NTN4: variants seen among roughly 807,000 people sequenced by gnomAD.
The protein encoded by NTN4 is netrin-4.
NTN4 carries 32 observed loss-of-function variants against 73.6 expected under a neutral mutation model. The observed-to-expected ratio is 0.44, with a 90% CI of 0.33 to 0.58. NTN4 has a LOEUF of 0.58. Among genes scored for constraint, NTN4 ranks in the 20% least tolerant of loss-of-function variants. The pLI, the probability that NTN4 is intolerant of heterozygous loss-of-function variation, is 0.04. For synonymous variants in NTN4, 258 were observed against 287.5 expected (o/e 0.90, Z 1.04); for missense variants, 654 against 798.3 (o/e 0.82, Z 2.18).
chr12:95,700,116 A>G (rs1218685145), intron 5 of NTN4, among the ~76,000 whole-genome samples: 2 of 22,074 alleles, frequency 9.1e-5, no homozygotes, highest in Non-Finnish European at 1.9e-4. Flanking sequence ...TTTTTTTTTT[A>G]CTTAGGGTCT....
intron 5 of NTN4, among the ~76,000 whole-genome samples, chr12:95,694,781 C>G (rs1381372117): frequency 6.6e-6 from 1 of 152,108 alleles, no homozygotes; most frequent in Non-Finnish European, 1.5e-5. Context: ...ATGTTATATA[C>G]ATTACGTTCA....
chr12:95,755,306 G>A (rs139767421), intron 2 of NTN4, among the ~76,000 whole-genome samples: 2 of 152,286 alleles, frequency 1.3e-5, no homozygotes, highest in African/African-American at 4.8e-5. Flanking sequence ...GTTCTGAAAC[G>A]GGCTTTCTGC....
chr12:95,727,320 T>C (rs2078702497), intron 3 of NTN4, among the ~76,000 whole-genome samples: 1 of 152,226 alleles, frequency 6.6e-6, no homozygotes, highest in Non-Finnish European at 1.5e-5. Flanking sequence ...TTATACATTC[T>C]GGATACCAGA....
chr12:95,763,002 A>G (rs1309485943), intron 2 of NTN4, among the ~76,000 whole-genome samples: 1 of 152,152 alleles, frequency 6.6e-6, no homozygotes, highest in Non-Finnish European at 1.5e-5. Flanking sequence ...TTTGTTTTTA[A>G]ATAATGACAA....
chr12:95,694,336 C>CG (rs751114360), intron 5 of NTN4, among the ~76,000 whole-genome samples: 1 of 151,666 alleles, frequency 6.6e-6, no homozygotes, highest in Non-Finnish European at 1.5e-5. Context: ...ACTCCCTCCG[C>CG]GCGGCCACTC....
chr12:95,754,528 C>G (rs7139150), intron 2 of NTN4, among the ~76,000 whole-genome samples: 103,401 of 151,750 alleles, frequency 0.68, 35,444 homozygotes, highest in South Asian at 0.8. Context: ...CAGATGGCCT[C>G]AAGTAACTGA....
chr12:95,694,500 G>T (rs1415251752), intron 5 of NTN4, among the ~76,000 whole-genome samples: 1 of 152,214 alleles, frequency 6.6e-6, no homozygotes, highest in Non-Finnish European at 1.5e-5. Context: ...TAAGGGAGAT[G>T]ATTTCGAGAC....
At chr12:95,735,727 T>C (rs1371665915) in intron 3 of NTN4, among the ~76,000 whole-genome samples, 4 of 152,130 alleles carry the variant, frequency 2.6e-5, no homozygotes, top group Admixed American at 6.5e-5. Flanking sequence ...TCTTCAAAAG[T>C]GTCTGTTAGC....
chr12:95,770,046 C>T, intron 2 of NTN4, among the ~76,000 whole-genome samples: 1 of 152,238 alleles, frequency 6.6e-6, no homozygotes, highest in South Asian at 2.1e-4. Flanking sequence ...TGTGAGTGAC[C>T]ACTCCCGGCG....
chr12:95,788,586 A>G (rs999714974), intron 1 of NTN4, among the ~76,000 whole-genome samples: 1 of 152,234 alleles, frequency 6.6e-6, no homozygotes, highest in African/African-American at 2.4e-5. Flanking sequence ...CTGCTGCTTA[A>G]GAAGCAGTAC....
At chr12:95,775,491 C>A (rs11108259) in intron 2 of NTN4, among the ~76,000 whole-genome samples, 1 of 152,222 alleles carries the variant, frequency 6.6e-6, no homozygotes, top group African/African-American at 2.4e-5. Flanking sequence ...CCTAATATTG[C>A]GCTTTTCCAA....
At chr12:95,747,671 A>G (rs1198107339) in intron 2 of NTN4, among the ~76,000 whole-genome samples, 1 of 152,096 alleles carries the variant, frequency 6.6e-6, no homozygotes, top group Non-Finnish European at 1.5e-5. Context: ...CCAACATCTA[A>G]TACAATGCCT....
At chr12:95,741,638 T>C (rs914011675) in intron 2 of NTN4, among the ~76,000 whole-genome samples, 2 of 145,966 alleles carry the variant, frequency 1.4e-5, no homozygotes, top group African/African-American at 2.5e-5. Flanking sequence ...TATATATATA[T>C]AAAAATTATA....
At chr12:95,732,504 A>G (rs2078745892) in intron 3 of NTN4, among the ~76,000 whole-genome samples, 1 of 149,170 alleles carries the variant, frequency 6.7e-6, no homozygotes, top group South Asian at 2.1e-4. Context: ...CCTGCGTCCA[A>G]GCGATTCTTC....
chr12:95,743,404 T>C (rs2078840343), intron 2 of NTN4, among the ~76,000 whole-genome samples: 1 of 152,244 alleles, frequency 6.6e-6, no homozygotes, highest in African/African-American at 2.4e-5. Context: ...ATCATTGATT[T>C]GACTTTTTAA....
intron 5 of NTN4, among the ~76,000 whole-genome samples, chr12:95,702,231 G>C (rs1380462710): frequency 6.8e-6 from 1 of 147,974 alleles, no homozygotes; most frequent in East Asian, 2.0e-4. Context: ...AGTGAGCCAA[G>C]ATTGCGCCAT....
chr12:95,688,676 A>T (rs956878961), intron 5 of NTN4, among the ~76,000 whole-genome samples: 1 of 151,984 alleles, frequency 6.6e-6, no homozygotes, highest in Non-Finnish European at 1.5e-5. Flanking sequence ...TAGAGTGAGA[A>T]GATGATCAAG....
chr12:95,744,376 C>T (rs956011671), intron 2 of NTN4, among the ~76,000 whole-genome samples: 2 of 152,150 alleles, frequency 1.3e-5, no homozygotes, highest in African/African-American at 4.8e-5. Flanking sequence ...TTACTTTTAA[C>T]TTAGCTATAT....
chr12:95,697,153 T>A (rs116612495), intron 5 of NTN4, among the ~76,000 whole-genome samples: 1,529 of 151,098 alleles, frequency 0.01, 34 homozygotes, highest in African/African-American at 0.035. Context: ...CCATTCAGCC[T>A]GGGTGACAGA....
Sources: gnomAD v4.1 joint callset for allele counts (sites outside exome capture counted in the v4.1 genomes callset) on GRCh38, gnomAD v4.1.1 for gene constraint, MANE v1.5 for transcripts, NCBI Gene and HGNC (gene_info 2026-07-23, HGNC 2026-07-21) for gene names.